Variants in KCNIP4 observed in about 807,000 individuals in gnomAD.
The protein encoded by KCNIP4 is potassium voltage-gated channel interacting protein 4.
KCNIP4 carries 12 observed loss-of-function variants against 34.0 expected under a neutral mutation model. That is an observed-to-expected ratio of 0.35 (90% CI 0.23 to 0.57). The LOEUF is 0.57. KCNIP4 is among the 20% of genes least tolerant of loss of function. KCNIP4 has a pLI of 0.83. For synonymous variants in KCNIP4, 124 were observed against 102.2 expected (o/e 1.21, Z -1.29); for missense variants, 238 against 311.7 (o/e 0.76, Z 1.78).
chr4:21,265,086 G>A (rs113214511), intron 1 of KCNIP4, among the ~76,000 whole-genome samples: 4,085 of 151,686 alleles, frequency 0.027, 197 homozygotes, highest in African/African-American at 0.094. Flanking sequence ...GTGACAGAGC[G>A]AGACTCTGCC....
chr4:21,646,445 A>G (rs1747029457), intron 1 of KCNIP4, among the ~76,000 whole-genome samples: 1 of 152,236 alleles, frequency 6.6e-6, no homozygotes, highest in Non-Finnish European at 1.5e-5. Flanking sequence ...GAAGAAGCAC[A>G]TAGTGTATTT....
chr4:20,779,159 T>C (rs1756628502), intron 3 of KCNIP4, among the ~76,000 whole-genome samples: 1 of 152,220 alleles, frequency 6.6e-6, no homozygotes, highest in Non-Finnish European at 1.5e-5. Context: ...TACACTGGAC[T>C]TCCTTCTAGG....
intron 2 of KCNIP4, among the ~76,000 whole-genome samples, chr4:20,864,039 TATACGC>T (rs771265686): frequency 0.014 from 1,339 of 96,418 alleles, 13 homozygotes; most frequent in Middle Eastern, 0.038. Flanking sequence ...CATATGTATG[TATACGC>T]ATGTATGTAT....
chr4:21,147,452 T>TTTTTACTGAATATTGACTAGTAAGTGTA (rs1752440911), intron 1 of KCNIP4, among the ~76,000 whole-genome samples: 1 of 152,184 alleles, frequency 6.6e-6, no homozygotes, highest in African/African-American at 2.4e-5. Flanking sequence ...GACCCTGATA[T>TTTTTACTGAATATTGACTAGTAAGTGTA]TTTTACTGAA....
chr4:21,396,343 G>T (rs1020641855), intron 1 of KCNIP4, among the ~76,000 whole-genome samples: 7 of 151,720 alleles, frequency 4.6e-5, no homozygotes, highest in African/African-American at 1.7e-4. Flanking sequence ...ATCACCTCAG[G>T]TCAGGAGTTT....
chr4:21,694,389 T>C (rs1240944814), intron 1 of KCNIP4, among the ~76,000 whole-genome samples: 2 of 152,148 alleles, frequency 1.3e-5, no homozygotes, highest in African/African-American at 4.8e-5. Context: ...ACTTGTAATA[T>C]TTGCATATGG....
chr4:21,621,635 G>A (rs1745004253), intron 1 of KCNIP4, among the ~76,000 whole-genome samples: 1 of 152,036 alleles, frequency 6.6e-6, no homozygotes, highest in South Asian at 2.1e-4. Flanking sequence ...TGGAATTAGA[G>A]GCACGAGCCA....
chr4:21,634,845 C>T (rs1266164634), intron 1 of KCNIP4, among the ~76,000 whole-genome samples: 1 of 152,026 alleles, frequency 6.6e-6, no homozygotes, highest in Non-Finnish European at 1.5e-5. Context: ...TCACATTTCC[C>T]TTTAAAGAAC....
intron 1 of KCNIP4, among the ~76,000 whole-genome samples, chr4:21,111,565 G>A (rs557072938): frequency 9.9e-5 from 15 of 152,282 alleles, no homozygotes; most frequent in African/African-American, 2.6e-4. Context: ...CAGGCAGACT[G>A]GCCTGCCTCA....
intron 1 of KCNIP4, among the ~76,000 whole-genome samples, chr4:21,637,571 A>G (rs1746289596): frequency 6.6e-6 from 1 of 151,932 alleles, no homozygotes; most frequent in South Asian, 2.1e-4. Context: ...TGGCTTGCGG[A>G]TAGGCATTCA....
chr4:20,861,463 C>A (rs554678008), intron 2 of KCNIP4, among the ~76,000 whole-genome samples: 1 of 152,250 alleles, frequency 6.6e-6, no homozygotes, highest in African/African-American at 2.4e-5. Flanking sequence ...CCTTCCCAGA[C>A]CAACCCGAGC....
At chr4:21,714,795 T>TA (rs1553923881) in intron 1 of KCNIP4, among the ~76,000 whole-genome samples, 1 of 198 alleles carries the variant, frequency 5.1e-3, no homozygotes, top group Non-Finnish European at 7.4e-3. Context: ...GATTATTTTA[T>TA]TTTATTTTAT....
At chr4:20,963,859 T>G (rs1315286216) in intron 1 of KCNIP4, among the ~76,000 whole-genome samples, 1 of 152,102 alleles carries the variant, frequency 6.6e-6, no homozygotes. Context: ...ACTCTCTGTT[T>G]AACAGCTCTT....
Position 21,247,820 on chromosome 4 carries a change from T to TACACAC in KCNIP4, c.62-365117_62-365112dup, listed in dbSNP as rs1553845733. 3.1e-4 allele frequency among the ~76,000 whole-genome samples: 31 copies of TACACAC among 101,166 alleles called. 2 individuals carry two copies. In the South Asian group the frequency reaches 8.2e-3, roughly 27 times the overall value. 66.4% of individuals were successfully genotyped at this position (101,166 alleles called of 152,430 possible). A position where few individuals can be genotyped will look rare whatever the true frequency, so the allele number is the denominator to read the frequency against. ...AGGTGGATATATATATATATATATA[T>TACACAC]ACACACACACACAGACACCACAGGT... On this transcript the variant is annotated intron_variant, in intron 1 of 8. Coordinates refer to ENST00000382152, the MANE Select transcript of KCNIP4 (RefSeq NM_025221.6).
intron 1 of KCNIP4, among the ~76,000 whole-genome samples, chr4:21,647,137 A>C (rs950939536): frequency 5.3e-5 from 8 of 152,040 alleles, no homozygotes; most frequent in Admixed American, 2.0e-4. Flanking sequence ...TATATCTTTT[A>C]ATCTAATTAT....
chr4:20,984,446 G>A (rs1430000077), intron 1 of KCNIP4, among the ~76,000 whole-genome samples: 2 of 152,180 alleles, frequency 1.3e-5, no homozygotes, highest in South Asian at 4.1e-4. Flanking sequence ...GCCTCTGGCA[G>A]AGAGCTCAGC....
At chr4:21,761,158 G>A (rs764180391) in intron 1 of KCNIP4, among the ~76,000 whole-genome samples, 4 of 152,052 alleles carry the variant, frequency 2.6e-5, no homozygotes, top group Admixed American at 6.6e-5. Context: ...CTGGAGTGCT[G>A]TAGCATGATC....
chr4:21,584,171 C>T (rs1741443143), intron 1 of KCNIP4, among the ~76,000 whole-genome samples: 2 of 151,944 alleles, frequency 1.3e-5, no homozygotes, highest in Admixed American at 1.3e-4. Context: ...TTTAATTTTC[C>T]TTCTCCCATT....
intron 1 of KCNIP4, among the ~76,000 whole-genome samples, chr4:21,354,715 C>T (rs892909570): frequency 6.6e-6 from 1 of 152,120 alleles, no homozygotes; most frequent in Non-Finnish European, 1.5e-5. Context: ...TTTAACACCC[C>T]ACTGTCAACA....
Sources: gnomAD v4.1 joint callset for allele counts (sites outside exome capture counted in the v4.1 genomes callset) on GRCh38, gnomAD v4.1.1 for gene constraint, MANE v1.5 for transcripts, NCBI Gene and HGNC (gene_info 2026-07-23, HGNC 2026-07-21) for gene names.